Variants in SNTA1 observed in about 807,000 individuals in gnomAD.
The protein encoded by SNTA1 is syntrophin alpha 1, also known as alpha-1-syntrophin.
A neutral mutation model predicts 47.1 loss-of-function variants in SNTA1; 31 were observed. The ratio of observed to expected loss-of-function variants is 0.66; its 90% CI spans 0.49 to 0.89. The LOEUF (loss-of-function observed/expected upper bound fraction) is 0.89. SNTA1 is among the 40% of genes least tolerant of loss of function. The probability of loss-of-function intolerance (pLI) is 0.00; values close to 1 mark genes in which losing one functional copy is unlikely to be tolerated. For synonymous variants in SNTA1, 300 were observed against 313.6 expected (o/e 0.96, Z 0.46); for missense variants, 575 against 693.0 (o/e 0.83, Z 1.91).
chr20:33,426,738 G>A (rs1252295902), intron 2 of SNTA1, among the ~76,000 whole-genome samples: 4 of 151,948 alleles, frequency 2.6e-5, no homozygotes, highest in Non-Finnish European at 5.9e-5. Context: ...CTCCAGCCTG[G>A]GTGACAGACA....
intron 2 of SNTA1, among the ~76,000 whole-genome samples, chr20:33,431,135 C>T (rs975187750): frequency 1.3e-5 from 2 of 151,992 alleles, no homozygotes; most frequent in African/African-American, 4.8e-5. Flanking sequence ...GTGGCACATG[C>T]CTGTAGTCCC....
intron 4 of SNTA1, 69 bp downstream of exon 4, chr20:33,412,506 C>T: frequency 4.4e-6 from 7 of 1,603,524 alleles, no homozygotes; most frequent in South Asian, 1.1e-5. Context: ...TGGCCAGGGG[C>T]ACTGGGAACA....
intron 6 of SNTA1, among the ~76,000 whole-genome samples, chr20:33,409,835 T>G (rs565641293): frequency 1.3e-5 from 2 of 152,282 alleles, no homozygotes; most frequent in South Asian, 4.1e-4. Context: ...TTCACCATTT[T>G]GGCCAGGCTG....
chr20:33,427,172 C>T (rs1990189222), intron 2 of SNTA1, among the ~76,000 whole-genome samples: 1 of 151,886 alleles, frequency 6.6e-6, no homozygotes. Flanking sequence ...CTGGAGATAG[C>T]AGTGTGGTTA....
chr20:33,413,812 G>A (rs1291210617), intron 3 of SNTA1, among the ~76,000 whole-genome samples: 3 of 151,714 alleles, frequency 2.0e-5, no homozygotes, highest in Admixed American at 6.6e-5. Flanking sequence ...ATGGTGACAC[G>A]TGCCTATAGT....
At chr20:33,433,822 G>C (rs1990369207) in intron 2 of SNTA1, among the ~76,000 whole-genome samples, 1 of 152,068 alleles carries the variant, frequency 6.6e-6, no homozygotes, top group Non-Finnish European at 1.5e-5. Flanking sequence ...CTGAGAACAG[G>C]ATCAGGACAT....
rs1273415042 is a variant in SNTA1 at position 33,408,393 on chromosome 20, C to T, written c.*114G>A. ...CCTCAGGGTTGGGGTTTCGGAGGCC[C>T]TTGTTCCTCTCCTCTCCCTTCCCTC... On this transcript the variant is annotated 3_prime_UTR_variant, in exon 8 of 8. Transcript: ENST00000217381. The T allele has an allele frequency of 2.5e-6, 2 of 803,006 alleles. No individual in the cohort carries two copies. Among genetic ancestry groups the T allele is most frequent in the South Asian group, 1.4e-5 (1 of 69,292 alleles). 49.7% of individuals were successfully genotyped at this position (803,006 alleles called of 1,614,324 possible).
intron 3 of SNTA1, among the ~76,000 whole-genome samples, chr20:33,415,263 C>T (rs987244380): frequency 2.6e-5 from 4 of 152,212 alleles, no homozygotes; most frequent in African/African-American, 9.6e-5. Flanking sequence ...CACTTAGAAA[C>T]ATATACACAC....
At chr20:33,430,811 T>A (rs1990287640) in intron 2 of SNTA1, among the ~76,000 whole-genome samples, 1 of 151,576 alleles carries the variant, frequency 6.6e-6, no homozygotes, top group Admixed American at 6.6e-5. Flanking sequence ...TAGCCAGGTG[T>A]GGTGGCACAT....
chr20:33,421,358 T>TC (rs1990016125), intron 2 of SNTA1, among the ~76,000 whole-genome samples: 1 of 152,202 alleles, frequency 6.6e-6, no homozygotes, highest in African/African-American at 2.4e-5. Context: ...ACGCCTGTAA[T>TC]CCCAGCACTT....
intron 2 of SNTA1, among the ~76,000 whole-genome samples, chr20:33,425,411 G>T (rs1156550380): frequency 1.3e-5 from 2 of 152,202 alleles, no homozygotes; most frequent in Non-Finnish European, 2.9e-5. Flanking sequence ...TATAATTCCA[G>T]CACTGTGGGA....
intron 3 of SNTA1, among the ~76,000 whole-genome samples, chr20:33,416,410 C>T (rs565364291): frequency 6.6e-6 from 1 of 152,372 alleles, no homozygotes; most frequent in African/African-American, 2.4e-5. Context: ...AGGTATCTTG[C>T]ACCTTCCAAA....
At chr20:33,437,318 T>C (rs1317585450) in intron 2 of SNTA1, among the ~76,000 whole-genome samples, 1 of 149,316 alleles carries the variant, frequency 6.7e-6, no homozygotes, top group Non-Finnish European at 1.5e-5. Flanking sequence ...TCCCAGCCAC[T>C]CAGGAGGTTG....
intron 2 of SNTA1, among the ~76,000 whole-genome samples, chr20:33,424,934 G>A (rs1024926115): frequency 4.6e-5 from 7 of 151,844 alleles, no homozygotes; most frequent in African/African-American, 1.7e-4. Context: ...GACTAACACG[G>A]TGAAACCCCG....
chr20:33,412,171 C>T, intron 5 of SNTA1, 125 bp downstream of exon 5: 1 of 1,082,712 alleles, frequency 9.2e-7, no homozygotes, highest in Non-Finnish European at 1.3e-6. Flanking sequence ...AGGGCAGAGA[C>T]TTGCTTCAGG....
At position 33,438,998 on chromosome 20, in the gene SNTA1, G is replaced by C. The variant is rs746780665; in HGVS notation, c.339C>G (p.Leu113=). The change falls in exon 2 of 8, where the codon CTC becomes CTG. Residue 113 remains leucine (L), a synonymous_variant. Coordinates refer to ENST00000217381, the MANE Select transcript of SNTA1 (RefSeq NM_003098.3). ...CCAATCCCTTGAAGATCTTGGAAATGAGAATAGGCATCTTGTTCTCCCGGC... is the reference window on the plus strand; with the variant it reads ...CCAATCCCTTGAAGATCTTGGAAATCAGAATAGGCATCTTGTTCTCCCGGC... ...KGGRENKMPI[L]ISKIFKGLAA... is the part of the protein sequence containing the mutation. 6.8e-6 allele frequency: 11 copies of C among 1,614,196 alleles called. No individual in the cohort carries two copies. The Admixed American group carries it at 1.8e-4, about 27-fold the overall frequency.
At chr20:33,435,934 C>T (rs960343103) in intron 2 of SNTA1, among the ~76,000 whole-genome samples, 14 of 151,922 alleles carry the variant, frequency 9.2e-5, no homozygotes, top group African/African-American at 3.1e-4. Context: ...GTGGCTCACG[C>T]GTGTAATCCC....
chr20:33,442,175 G>A (rs1267140278), intron 1 of SNTA1, among the ~76,000 whole-genome samples: 6 of 152,146 alleles, frequency 3.9e-5, no homozygotes, highest in Non-Finnish European at 1.5e-5. Flanking sequence ...GGATGAAGTG[G>A]ATCATGAGAC....
intron 2 of SNTA1, among the ~76,000 whole-genome samples, chr20:33,438,076 G>A (rs291679): frequency 0.15 from 23,100 of 152,190 alleles, 2,117 homozygotes; most frequent in East Asian, 0.39. Flanking sequence ...TGAGGTGGGT[G>A]GATCACCTAA....
Sources: gnomAD v4.1 joint callset for allele counts (sites outside exome capture counted in the v4.1 genomes callset) on GRCh38, gnomAD v4.1.1 for gene constraint, MANE v1.5 for transcripts, NCBI Gene and HGNC (gene_info 2026-07-23, HGNC 2026-07-21) for gene names.